RGS3: variants seen among roughly 807,000 people sequenced by gnomAD.
RGS3 encodes the protein regulator of G protein signaling 3.
RGS3 carries 80 observed loss-of-function variants against 132.6 expected under a neutral mutation model. That is an observed-to-expected ratio of 0.60 (90% CI 0.50 to 0.73). RGS3 has a LOEUF of 0.73. RGS3 is among the 30% of genes least tolerant of loss of function. The pLI is 0.00. For missense variants in RGS3, 1,382 were observed against 1,530.8 expected (o/e 0.90, Z 1.62); for synonymous variants, 598 against 620.6 (o/e 0.96, Z 0.54).
chr9:113,452,903 A>T (rs1829276461), intron 1 of RGS3, among the ~76,000 whole-genome samples: 1 of 126,268 alleles, frequency 7.9e-6, no homozygotes, highest in Non-Finnish European at 1.7e-5. Flanking sequence ...ATATATATAA[A>T]TATATATTAT....
At chr9:113,574,342 C>G (rs979850502) in intron 19 of RGS3, among the ~76,000 whole-genome samples, 3 of 152,206 alleles carry the variant, frequency 2.0e-5, no homozygotes, top group East Asian at 3.8e-4. Context: ...TCTTTTCCCC[C>G]CTATTACCTC....
chr9:113,535,469 T>A (rs1832641888), intron 18 of RGS3, among the ~76,000 whole-genome samples: 1 of 152,202 alleles, frequency 6.6e-6, no homozygotes, highest in African/African-American at 2.4e-5. Flanking sequence ...CTGCGCCCAG[T>A]CAATAAATAG....
At chr9:113,496,992 G>A (rs561626822) in intron 8 of RGS3, among the ~76,000 whole-genome samples, 29 of 152,242 alleles carry the variant, frequency 1.9e-4, no homozygotes, top group African/African-American at 5.5e-4. Context: ...AACAAATATG[G>A]CTCCTACTGT....
At chr9:113,594,769 G>A (rs1257676365) in intron 22 of RGS3, 150 bp from the exon 21 acceptor site, 1 of 760,174 alleles carries the variant, frequency 1.3e-6, no homozygotes, top group African/African-American at 1.8e-5. Context: ...CTGGCCCCGG[G>A]AAAGAGGGTG....
At position 113,463,579 on chromosome 9, in the gene RGS3, G is replaced by GCGC. The variant is rs1049560216; in HGVS notation, c.415+1383_415+1385dup. 3.0e-5 allele frequency: 26 copies of GCGC among 860,076 alleles called. No homozygotes were observed. In the Admixed American group the frequency reaches 3.4e-4, roughly 11 times the overall value. 53.3% of individuals were successfully genotyped at this position (860,076 alleles called of 1,614,324 possible). The stretch of plus-strand genomic sequence containing the variant: ...CGTCGCTGCTCAGCGCGGGTCGGCG[G>GCGC]CGCCGCCTCCCCCACCCCGGCCCAG... On this transcript the variant is annotated intron_variant, in intron 3 of 24. Coordinates refer to ENST00000350696, the Ensembl canonical transcript of RGS3. The surrounding 1 kb of genome is among the most constrained non-coding windows in gnomAD (Gnocchi z 4.6).
intron 14 of RGS3, among the ~76,000 whole-genome samples, chr9:113,510,100 C>T (rs1415622904): frequency 6.6e-6 from 1 of 151,958 alleles, no homozygotes; most frequent in Non-Finnish European, 1.5e-5. Flanking sequence ...CCCATCCTTC[C>T]CCCGAAGTCT....
intron 23 of RGS3, 111 bp downstream of exon 21, chr9:113,595,091 C>G (rs565909823): frequency 2.0e-6 from 2 of 1,018,480 alleles, no homozygotes; most frequent in South Asian, 2.8e-5. Flanking sequence ...TCTCCTCGGC[C>G]GTCAGGGTGT....
chr9:113,486,529 G>A (rs1564473878), intron 7 of RGS3, among the ~76,000 whole-genome samples: 1 of 152,344 alleles, frequency 6.6e-6, no homozygotes, highest in Admixed American at 6.5e-5. Flanking sequence ...GGGCAGGTGA[G>A]CATGAGAATT....
chr9:113,463,845 G>T lies in RGS3; in HGVS notation c.415+1644G>T. 6.2e-7 allele frequency: 1 copy of T among 1,613,096 alleles called. No homozygotes were observed. On this transcript the variant is annotated intron_variant, in intron 3 of 24. Transcript: ENST00000350696. The surrounding 1 kb of genome is among the most constrained non-coding windows in gnomAD (Gnocchi z 4.6). ...CCGCGTCTCCCTCGGGAGCCGGCGT[G>T]CCCACCCGGACTTGTCCTTCTACCT...
In RGS3 at chr9:113,565,291, CAG is replaced by C. The variant is rs753799027; in HGVS notation, c.2038-18156_2038-18155del. On this transcript the variant is annotated intron_variant, in intron 19 of 24. Coordinates refer to ENST00000350696, the Ensembl canonical transcript of RGS3. This position sits in a 1 kb window ranked among gnomAD's most constrained non-coding sequence, Gnocchi z 5.7. ...CGGATGAAAGTGCTTTGAGAAACCACAGAGTTTTCTGTTTAATGGAAGAAAGA... is the reference window on the plus strand; with the variant it reads ...CGGATGAAAGTGCTTTGAGAAACCACAGTTTTCTGTTTAATGGAAGAAAGA... The C allele has an allele frequency of 3.9e-6, 5 of 1,289,488 alleles. No homozygotes were observed. The Admixed American group carries it at 1.1e-4, about 30-fold the overall frequency. The allele number at this position is 1,289,488 out of a possible 1,614,324, so 79.9% of individuals were successfully genotyped here. A position where few individuals can be genotyped will look rare whatever the true frequency, so the allele number is the denominator to read the frequency against.
In RGS3 at chr9:113,517,522, C is replaced by T. The variant is rs1225915820; in HGVS notation, c.1675-19C>T. The stretch of plus-strand genomic sequence containing the variant: ...CCAGCCTCTTTTTGAACTGCCCACT[C>T]AGCCTGCTTTATTTCCAGCCTCTAG... On this transcript the variant is annotated intron_variant, in intron 15 of 24. Transcript: ENST00000350696. 3.7e-6 allele frequency: 6 copies of T among 1,609,522 alleles called. No homozygotes were observed. The East Asian group carries it at 1.1e-4, about 30-fold the overall frequency.
At chr9:113,453,230 CAT>C (rs1486701296) in intron 1 of RGS3, among the ~76,000 whole-genome samples, 1 of 97,498 alleles carries the variant, frequency 1.0e-5, no homozygotes, top group Non-Finnish European at 1.9e-5. Flanking sequence ...ATAATATACT[CAT>C]TATATGATTA....
In RGS3 at chr9:113,483,127, G is replaced by A; in HGVS notation, c.525+10G>A. 6.3e-7 allele frequency: 1 copy of A among 1,589,500 alleles called. No individual in the cohort carries two copies. Among genetic ancestry groups the A allele is most frequent in the South Asian group, 1.1e-5 (1 of 90,234 alleles). On this transcript the variant is annotated intron_variant, in intron 5 of 24. Coordinates refer to ENST00000350696, the Ensembl canonical transcript of RGS3. ...TGATCCGTATGTGAAGGTATGTGGT[G>A]GGGCCGGAGATGGAGAGTGGGATAT...
chr9:113,505,549 A>G (rs72761971), intron 11 of RGS3, 26 bp downstream of exon 9: 201,746 of 1,587,422 alleles, frequency 0.13, 13,930 homozygotes, highest in African/African-American at 0.2. Flanking sequence ...GGGGATGCCA[A>G]CCCCACTTGC....
intron 3 of RGS3, among the ~76,000 whole-genome samples, chr9:113,469,115 C>A (rs890420129): frequency 6.7e-6 from 1 of 149,534 alleles, no homozygotes; most frequent in Non-Finnish European, 1.5e-5. Context: ...TGTTTCACTC[C>A]TTTCTCTGCC....
chr9:113,555,404 C>T (rs976856670), intron 19 of RGS3, among the ~76,000 whole-genome samples: 1 of 152,152 alleles, frequency 6.6e-6, no homozygotes, highest in African/African-American at 2.4e-5. Flanking sequence ...GACCATACTT[C>T]TCTGCTTTCC....
intron 19 of RGS3, chr9:113,581,155 C>G (rs1834785830): frequency 4.6e-6 from 1 of 215,224 alleles, no homozygotes. Flanking sequence ...GGGCTGGGGA[C>G]TGGTTTGTTC....
chr9:113,587,946 GCAGATCA>G (rs1835205342), intron 20 of RGS3, among the ~76,000 whole-genome samples: 1 of 152,242 alleles, frequency 6.6e-6, no homozygotes, highest in Non-Finnish European at 1.5e-5. Flanking sequence ...GCCCTGCAGA[GCAGATCA>G]CAGGCCTTCT....
exon 9 of RGS3, chr9:113,497,354 G>A: frequency 6.2e-7 from 1 of 1,613,838 alleles, no homozygotes; most frequent in Non-Finnish European, 8.5e-7. Context: ...GAGCACCTGG[G>A]CCGGACCAAG....
Sources: allele counts gnomAD v4.1 joint callset (sites outside exome capture counted in the v4.1 genomes callset), GRCh38; gene constraint gnomAD v4.1.1; non-coding constraint Gnocchi (gnomAD v3.1); transcripts MANE v1.5; gene names NCBI Gene and HGNC (gene_info 2026-07-23, HGNC 2026-07-21).